The following ATP7B variants were observed in gnomAD, a reference collection of about 807,000 sequenced individuals.
ATP7B encodes the protein copper-transporting ATPase 2.
Under a neutral mutation model 118.9 loss-of-function variants are expected in ATP7B, and 113 were observed. That is an observed-to-expected ratio of 0.95 (90% CI 0.82 to 1.11). The LOEUF is 1.11. ATP7B is among the 50% of genes most tolerant of loss of function. The pLI is 0.00. For synonymous variants in ATP7B, 777 were observed against 727.4 expected, an observed-to-expected ratio of 1.07 and a Z score of -1.10; for missense variants, 1,867 against 1,871.4, an observed-to-expected ratio of 1.00 and a Z score of 0.04.
intron 1 of ATP7B, among the ~76,000 whole-genome samples, chr13:51,996,454 C>T (rs1355229612): frequency 6.6e-6 from 1 of 152,314 alleles, no homozygotes; most frequent in Non-Finnish European, 1.5e-5. Flanking sequence ...ACAGCTCCAC[C>T]ACAGCCACTA....
rs964219408 is a variant in ATP7B at position 51,934,239 on chromosome 13, CTA to C, written c.*515_*516del. On this transcript the variant is annotated 3_prime_UTR_variant, in exon 21 of 21. Coordinates refer to ENST00000242839, the MANE Select transcript of ATP7B (RefSeq NM_000053.4). Reference sequence around the variant, plus strand: ...GCACACAGGAGAGAAAAGGAACAGACTATGTACGAAGAAAGGAACAGACTATG... The same window carrying C: ...GCACACAGGAGAGAAAAGGAACAGACTGTACGAAGAAAGGAACAGACTATG... 3 of 231,334 alleles carry C rather than the reference CTA, an allele frequency of 1.3e-5. No homozygotes were observed. Among genetic ancestry groups the C allele is most frequent in the Non-Finnish European group, 2.6e-5 (3 of 115,100 alleles). The allele number at this position is 231,334 out of a possible 1,614,324, so 14.3% of individuals were successfully genotyped here.
rs73202048 is a variant in ATP7B at position 51,934,843 on chromosome 13, C to T, written c.4311G>A (p.Lys1437=). The change falls in exon 21 of 21, where the codon AAG becomes AAA. Residue 1437 remains lysine (K), a synonymous_variant. Coordinates refer to ENST00000242839, the MANE Select transcript of ATP7B (RefSeq NM_000053.4). The stretch of plus-strand genomic sequence containing the variant: ...CTGCTGCAGCGCTGTGCCGAGATGG[C>T]TTGTCGGACGTCAGGGAGGACAGCG... ...QVSLSSLTSD[K]PSRHSAAADD... is the part of the protein sequence containing the mutation. The T allele has an allele frequency of 9.7e-3, 15,635 of 1,614,196 alleles. 94 individuals carry two copies. The highest frequency in any genetic ancestry group is 0.012 in the Non-Finnish European group (13,828 of 1,180,042).
At chr13:51,939,239 C>A (rs1566453539) in intron 16 of ATP7B, 46 bp from the exon 17 acceptor site, 52 of 1,607,984 alleles carry the variant, frequency 3.2e-5, no homozygotes, top group Non-Finnish European at 4.2e-5. Context: ...GTTGGGGCAC[C>A]CCGCACCAAG....
intron 4 of ATP7B, among the ~76,000 whole-genome samples, chr13:51,968,241 A>G (rs1250079372): frequency 6.6e-6 from 1 of 152,188 alleles, no homozygotes; most frequent in African/African-American, 2.4e-5. Flanking sequence ...GATCCTCCCC[A>G]TGACTGTTTA....
intron 14 of ATP7B, among the ~76,000 whole-genome samples, chr13:51,943,143 CTGT>C (rs1957438769): frequency 6.6e-6 from 1 of 152,170 alleles, no homozygotes; most frequent in South Asian, 2.1e-4. Context: ...CATCCCACTT[CTGT>C]TGTTCTCCTG....
At chr13:51,993,233 T>C (rs56219214) in intron 1 of ATP7B, among the ~76,000 whole-genome samples, 4,498 of 152,102 alleles carry the variant, frequency 0.03, 102 homozygotes, top group Middle Eastern at 0.045. Flanking sequence ...AAATTTGTTT[T>C]TTATATAGAG....
intron 1 of ATP7B, among the ~76,000 whole-genome samples, chr13:51,985,852 TC>T (rs1169207360): frequency 1.3e-5 from 2 of 151,770 alleles, no homozygotes; most frequent in Admixed American, 6.6e-5. Flanking sequence ...AGAAATAAGT[TC>T]TTTGAAGCCA....
intron 1 of ATP7B, among the ~76,000 whole-genome samples, chr13:51,998,500 G>C (rs763412020): frequency 3.9e-5 from 6 of 152,120 alleles, no homozygotes; most frequent in Non-Finnish European, 7.3e-5. Context: ...TTTCTACCTA[G>C]AATTTCATGG....
chr13:51,965,688 T>G (rs1004141572), intron 4 of ATP7B, among the ~76,000 whole-genome samples: 1 of 151,996 alleles, frequency 6.6e-6, no homozygotes, highest in Admixed American at 6.5e-5. Context: ...CAGGCAAACA[T>G]CAAAAGCCAG....
At chr13:51,966,317 C>T (rs534085776) in intron 4 of ATP7B, among the ~76,000 whole-genome samples, 1 of 152,352 alleles carries the variant, frequency 6.6e-6, no homozygotes, top group South Asian at 2.1e-4. Context: ...GATGGGCTGG[C>T]TCCAGAATCT....
At chr13:52,003,985 G>A (rs1481072537) in intron 1 of ATP7B, among the ~76,000 whole-genome samples, 4 of 152,186 alleles carry the variant, frequency 2.6e-5, no homozygotes, top group African/African-American at 7.2e-5. Flanking sequence ...CTGGCCGGGC[G>A]CGGTGGCTCA....
intron 1 of ATP7B, among the ~76,000 whole-genome samples, chr13:52,000,939 G>A (rs890160595): frequency 6.6e-6 from 1 of 152,318 alleles, no homozygotes; most frequent in South Asian, 2.1e-4. Context: ...AGGATCACTT[G>A]AGCCCAGGAG....
In ATP7B at chr13:52,011,379, A is replaced by G. The variant is rs751019823; in HGVS notation, c.-42T>C. The G allele has an allele frequency of 3.1e-6, 5 of 1,613,974 alleles. No individual in the cohort carries two copies. The highest frequency in any genetic ancestry group is 1.1e-5 in the South Asian group (1 of 91,088). On this transcript the variant is annotated 5_prime_UTR_variant, in exon 1 of 21. Transcript: ENST00000242839. ...CGAATTCTTCTCTGATCTGGCTCAG[A>G]GCAAAAGGTCACCTGGTCGGTGGAG...
chr13:51,946,665 T>C (rs1310289709), intron 12 of ATP7B, 187 bp from the exon 13 acceptor site: 6 of 684,876 alleles, frequency 8.8e-6, no homozygotes, highest in African/African-American at 7.1e-5. Context: ...ACATCCCAGC[T>C]ATCCAACTTC....
At chr13:51,993,022 T>C (rs61958783) in intron 1 of ATP7B, among the ~76,000 whole-genome samples, 370 of 142,664 alleles carry the variant, frequency 2.6e-3, no homozygotes, top group Non-Finnish European at 4.2e-3. Context: ...GATTTACATA[T>C]ATATTGACAT....
chr13:51,994,406 T>C (rs1051207922), intron 1 of ATP7B, among the ~76,000 whole-genome samples: 1 of 152,244 alleles, frequency 6.6e-6, no homozygotes, highest in African/African-American at 2.4e-5. Flanking sequence ...CTACATTTCA[T>C]ATTTTTAAAT....
Position 51,957,369 on chromosome 13 carries a change from C to T in ATP7B, c.2447+147G>A, listed in dbSNP as rs954901718. ...GTTTTATAGTTCAATGCCTTGCTTT[C>T]GTAGCTGGATTGAGAGTGGTGATCT... On this transcript the variant is annotated intron_variant, in intron 9 of 20. Transcript: ENST00000242839. 9.4e-6 allele frequency: 8 copies of T among 850,288 alleles called. No individual in the cohort carries two copies. In the African/African-American group the frequency reaches 1.0e-4, roughly 11 times the overall value. 52.7% of individuals were successfully genotyped at this position (850,288 alleles called of 1,614,324 possible).
intron 1 of ATP7B, among the ~76,000 whole-genome samples, chr13:51,982,136 G>A (rs531239089): frequency 4.6e-5 from 7 of 152,022 alleles, no homozygotes; most frequent in African/African-American, 1.4e-4. Context: ...TCTAAGGCAA[G>A]GAAGAAAATG....
intron 1 of ATP7B, among the ~76,000 whole-genome samples, chr13:52,002,179 C>T (rs947539422): frequency 2.0e-5 from 3 of 152,056 alleles, no homozygotes; most frequent in Non-Finnish European, 4.4e-5. Flanking sequence ...TCTCAATAAG[C>T]ATTTGTTAAA....
Sources: allele counts gnomAD v4.1 joint callset (sites outside exome capture counted in the v4.1 genomes callset), GRCh38; gene constraint gnomAD v4.1.1; transcripts MANE v1.5; gene names NCBI Gene and HGNC (gene_info 2026-07-23, HGNC 2026-07-21).